Variants in XPNPEP3 observed in about 807,000 individuals in gnomAD.
XPNPEP3 encodes xaa-Pro aminopeptidase 3.
In XPNPEP3, 41 loss-of-function variants were observed where a neutral mutation model predicts 60.0. The observed-to-expected ratio is 0.68, with a 90% CI of 0.53 to 0.89. The LOEUF (loss-of-function observed/expected upper bound fraction) is 0.89. Ranked by LOEUF, XPNPEP3 falls within the 40% of genes least tolerant of loss-of-function variation. The pLI is 0.00. For missense variants in XPNPEP3, 598 were observed against 638.9 expected (o/e 0.94, Z 0.69); for synonymous variants, 212 against 223.2 (o/e 0.95, Z 0.45).
At chr22:40,912,081 GT>G (rs1201635559) in intron 6 of XPNPEP3, among the ~76,000 whole-genome samples, 2 of 151,880 alleles carry the variant, frequency 1.3e-5, no homozygotes, top group African/African-American at 4.8e-5. Context: ...TAGAAAAATA[GT>G]TTTTTTCATA....
At chr22:40,859,290 A>G (rs1304889417) in intron 1 of XPNPEP3, among the ~76,000 whole-genome samples, 1 of 152,176 alleles carries the variant, frequency 6.6e-6, no homozygotes, top group African/African-American at 2.4e-5. Context: ...TGTTAAGCAA[A>G]CAATTAGCTT....
At position 40,926,298 on chromosome 22, in the gene XPNPEP3, G is replaced by T; in HGVS notation, c.1387G>T (p.Ala463Ser). The T allele has an allele frequency of 1.9e-6, 3 of 1,614,126 alleles. No individual in the cohort carries two copies. The highest frequency in any genetic ancestry group is 2.5e-6 in the Non-Finnish European group (3 of 1,180,032). Residue 463 changes from alanine (A) to serine (S), a missense_variant, in exon 10 of 10, where the codon GCC becomes TCC. By Grantham distance (99) the Ala-to-Ser change is moderately conservative (BLOSUM62 1). Coordinates refer to ENST00000357137, the MANE Select transcript of XPNPEP3 (RefSeq NM_022098.4). ...GIYIPEDDKD[A>S]PEKFRGLGVR... ...TTATATTCCAGAGGATGACAAAGAT[G>T]CCCCAGAGAAGTTTCGGGGTCTTGG...
rs531755141 is a variant in XPNPEP3, at chr22:40,862,827, G to T, written c.64+5582G>T. On this transcript the variant is annotated intron_variant, in intron 1 of 9. Coordinates refer to ENST00000357137, the MANE Select transcript of XPNPEP3 (RefSeq NM_022098.4). Reference sequence around the variant, plus strand: ...TGTGCCAGGCACCGTTTTAGCCACTGGTGATAGCAGTATTGAACAAAAGAC... The same window carrying T: ...TGTGCCAGGCACCGTTTTAGCCACTTGTGATAGCAGTATTGAACAAAAGAC... The T allele has an allele frequency of 9.3e-6, 8 of 855,982 alleles. No individual in the cohort carries two copies. In the South Asian group the frequency reaches 4.3e-4, roughly 46 times the overall value. 53.0% of individuals were successfully genotyped at this position (855,982 alleles called of 1,614,324 possible).
chr22:40,885,134 T>C (rs769775869), intron 3 of XPNPEP3, among the ~76,000 whole-genome samples: 1 of 152,068 alleles, frequency 6.6e-6, no homozygotes, highest in Non-Finnish European at 1.5e-5. Flanking sequence ...AAAATGAAAA[T>C]ATGTAGGACA....
intron 2 of XPNPEP3, chr22:40,870,123 T>G (rs1245418174): frequency 4.3e-6 from 2 of 470,230 alleles, no homozygotes; most frequent in Non-Finnish European, 8.8e-6. Flanking sequence ...GAAATCAGAG[T>G]TTTTCAAAGC....
chr22:40,882,649 A>T (rs1393236102), intron 3 of XPNPEP3, among the ~76,000 whole-genome samples: 7 of 151,158 alleles, frequency 4.6e-5, no homozygotes, highest in Admixed American at 1.3e-4. Context: ...AAAAAAAAAG[A>T]TTCATTTATT....
intron 6 of XPNPEP3, among the ~76,000 whole-genome samples, chr22:40,909,787 A>T (rs1338029815): frequency 6.6e-6 from 1 of 151,632 alleles, no homozygotes; most frequent in South Asian, 2.1e-4. Context: ...TAAATAAATA[A>T]ATAAATAAAT....
chr22:40,868,477 G>T (rs1772193389), intron 1 of XPNPEP3, among the ~76,000 whole-genome samples: 1 of 151,660 alleles, frequency 6.6e-6, no homozygotes. Context: ...TATTATAGCA[G>T]ACAAATGTCT....
chr22:40,859,908 A>G (rs2057931381), intron 1 of XPNPEP3: 1 of 152,156 alleles, frequency 6.6e-6, no homozygotes, highest in African/African-American at 2.4e-5. Flanking sequence ...GTATTTGTAG[A>G]TTTTGTGTAC....
intron 4 of XPNPEP3, among the ~76,000 whole-genome samples, chr22:40,905,556 A>T (rs1051502767): frequency 2.6e-5 from 4 of 152,178 alleles, no homozygotes; most frequent in Admixed American, 2.0e-4. Flanking sequence ...ACATGAAGTC[A>T]TCTGGAATTA....
chr22:40,911,177 T>A (rs866697438), intron 6 of XPNPEP3, among the ~76,000 whole-genome samples: 18 of 152,096 alleles, frequency 1.2e-4, no homozygotes, highest in Middle Eastern at 3.2e-3. Flanking sequence ...ACATAGCATC[T>A]CTTTGTGCTC....
chr22:40,922,470 A>G lies in XPNPEP3; in HGVS notation c.1193A>G (p.Asp398Gly). 6.2e-7 allele frequency: 1 copy of G among 1,614,080 alleles called. No homozygotes were observed. The highest frequency in any genetic ancestry group is 8.5e-7 in the Non-Finnish European group (1 of 1,179,992). ...ACCCTGATAGGACAGAAGCTTAAAG[A>G]CTTGGGGATCATGAAGAACATTAAG... ...MLTLIGQKLKDLGIMKNIKEN... is the reference protein window; with the variant it reads ...MLTLIGQKLKGLGIMKNIKEN... The change falls in exon 8 of 10, where the codon GAC (aspartate) becomes GGC (glycine). Residue 398 changes from aspartate (D) to glycine (G), a missense_variant. By Grantham distance (94) the Asp-to-Gly change is moderately conservative. Transcript: ENST00000357137.
intron 6 of XPNPEP3, among the ~76,000 whole-genome samples, chr22:40,912,358 A>G (rs2058180176): frequency 6.6e-6 from 1 of 152,202 alleles, no homozygotes; most frequent in Non-Finnish European, 1.5e-5. Context: ...AGATTTCCAA[A>G]GAGATTATGT....
At chr22:40,865,101 C>A (rs2057971762) in intron 1 of XPNPEP3, among the ~76,000 whole-genome samples, 1 of 152,192 alleles carries the variant, frequency 6.6e-6, no homozygotes, top group South Asian at 2.1e-4. Context: ...ATCCGCTGTG[C>A]CATTTTCTCT....
chr22:40,877,121 A>G (rs1258928592), intron 2 of XPNPEP3, among the ~76,000 whole-genome samples: 1 of 152,192 alleles, frequency 6.6e-6, no homozygotes, highest in African/African-American at 2.4e-5. Context: ...CAGAATCATA[A>G]TATGTATATG....
chr22:40,888,986 T>C (rs1271062711), intron 4 of XPNPEP3, among the ~76,000 whole-genome samples: 3 of 152,192 alleles, frequency 2.0e-5, no homozygotes, highest in African/African-American at 7.2e-5. Context: ...CATCTTTTTA[T>C]GTGCTTCCTG....
intron 7 of XPNPEP3, among the ~76,000 whole-genome samples, chr22:40,918,783 GT>G (rs35326908): frequency 5.1e-4 from 75 of 146,744 alleles, no homozygotes; most frequent in African/African-American, 1.8e-3. Context: ...GTTTTGGTGG[GT>G]TTTTTTTTTG....
At position 40,926,646 on chromosome 22, in the gene XPNPEP3, T is replaced by TA; in HGVS notation, c.*212dup. On this transcript the variant is annotated 3_prime_UTR_variant, in exon 10 of 10. Transcript: ENST00000357137. ...GAAAATGAATTTTTGAATAGTATGT[T>TA]ACTGCAGCTTTGGTAACATTAATTC... The TA allele has an allele frequency of 1.7e-6, 1 of 605,550 alleles. No homozygotes were observed. The highest frequency in any genetic ancestry group is 2.9e-6 in the Non-Finnish European group (1 of 341,936). 37.5% of individuals were successfully genotyped at this position (605,550 alleles called of 1,614,324 possible).
At chr22:40,902,148 C>G (rs1413455382) in intron 4 of XPNPEP3, among the ~76,000 whole-genome samples, 48 of 147,694 alleles carry the variant, frequency 3.2e-4, no homozygotes, top group African/African-American at 1.2e-3. Flanking sequence ...TCTCGGCTCA[C>G]TGCAACCTCC....
Sources: allele counts gnomAD v4.1 joint callset (sites outside exome capture counted in the v4.1 genomes callset), GRCh38; gene constraint gnomAD v4.1.1; transcripts MANE v1.5; gene names NCBI Gene and HGNC (gene_info 2026-07-23, HGNC 2026-07-21).